Variants in SERPINE2 observed in about 807,000 individuals in gnomAD.
The protein encoded by SERPINE2 is glia-derived nexin.
A neutral mutation model predicts 36.3 loss-of-function variants in SERPINE2; 14 were observed. That is an observed-to-expected ratio of 0.39 (90% confidence interval 0.25 to 0.60). SERPINE2 has a LOEUF of 0.60. SERPINE2 is among the 20% of genes least tolerant of loss of function. The pLI, the probability that SERPINE2 is intolerant of heterozygous loss-of-function variation, is 0.57. For synonymous variants in SERPINE2, 192 were observed against 191.8 expected (o/e 1.00, Z -0.01); for missense variants, 418 against 499.6 (o/e 0.84, Z 1.56).
At chr2:224,035,434 G>C (rs1384994332) in intron 1 of SERPINE2, among the ~76,000 whole-genome samples, 1 of 150,214 alleles carries the variant, frequency 6.7e-6, no homozygotes, top group Non-Finnish European at 1.5e-5. Flanking sequence ...CCAGGCTCGA[G>C]AACAGTGGCG....
At chr2:223,978,808 C>T (rs1690112886) in intron 7 of SERPINE2, 2 of 152,260 alleles carry the variant, frequency 1.3e-5, no homozygotes, top group Non-Finnish European at 1.5e-5. Context: ...TGTGTCTCCC[C>T]CCAAATTCAT....
intron 3 of SERPINE2, among the ~76,000 whole-genome samples, chr2:223,992,999 C>T (rs11676684): frequency 0.17 from 25,515 of 151,912 alleles, 2,438 homozygotes; most frequent in Non-Finnish European, 0.21. Flanking sequence ...GTGGCATGCA[C>T]CTGTAATCCC....
intron 2 of SERPINE2, 87 bp downstream of exon 2, chr2:224,001,555 G>A: frequency 6.8e-7 from 1 of 1,472,276 alleles, no homozygotes; most frequent in Non-Finnish European, 9.1e-7. Flanking sequence ...TGCTTCTTGG[G>A]GTTGTCAGCA....
intron 1 of SERPINE2, among the ~76,000 whole-genome samples, chr2:224,032,726 G>T (rs1159207125): frequency 6.6e-6 from 1 of 152,232 alleles, no homozygotes; most frequent in Non-Finnish European, 1.5e-5. Context: ...TGTGGCAAAA[G>T]CCTGGGTGTT....
chr2:224,000,945 G>C (rs550897455), intron 2 of SERPINE2, among the ~76,000 whole-genome samples: 19 of 152,188 alleles, frequency 1.2e-4, no homozygotes, highest in African/African-American at 1.7e-4. Context: ...TGGACATTCG[G>C]GTTGGTTCCA....
At chr2:223,980,946 T>C (rs1690208125) in intron 6 of SERPINE2, 1 of 152,464 alleles carries the variant, frequency 6.6e-6, no homozygotes, top group South Asian at 2.1e-4. Context: ...AAGAGAAGAG[T>C]TTAGATTTTC....
At chr2:223,990,747 G>C (rs1690629483) in intron 4 of SERPINE2, among the ~76,000 whole-genome samples, 1 of 152,174 alleles carries the variant, frequency 6.6e-6, no homozygotes. Context: ...AGAGGCCAAG[G>C]CAGGTGGATC....
chr2:224,036,562 C>T (rs898233697), intron 1 of SERPINE2, among the ~76,000 whole-genome samples: 9 of 151,108 alleles, frequency 6.0e-5, no homozygotes, highest in Non-Finnish European at 1.0e-4. Flanking sequence ...CAGCAAACCA[C>T]CATGGCACGT....
At chr2:223,994,808 A>G (rs895361367) in intron 3 of SERPINE2, among the ~76,000 whole-genome samples, 3 of 152,190 alleles carry the variant, frequency 2.0e-5, no homozygotes, top group Admixed American at 2.0e-4. Flanking sequence ...CTTTCTATGT[A>G]TTATTCACAT....
chr2:223,991,794 T>C lies in SERPINE2; in HGVS notation c.685+9A>G. The C allele has an allele frequency of 6.2e-7, 1 of 1,613,322 alleles. No individual in the cohort carries two copies. The highest frequency in any genetic ancestry group is 8.5e-7 in the Non-Finnish European group (1 of 1,179,806). Reference sequence around the variant, plus strand: ...ATCCTAGAACAGGCTTCGCTGAGCATGAACTCACCACACCGGAACACGGAG... The same window carrying C: ...ATCCTAGAACAGGCTTCGCTGAGCACGAACTCACCACACCGGAACACGGAG... On this transcript the variant is annotated intron_variant, in intron 4 of 8. Transcript: ENST00000409304.
At chr2:224,034,957 T>G (rs1480982941) in intron 1 of SERPINE2, among the ~76,000 whole-genome samples, 1 of 152,196 alleles carries the variant, frequency 6.6e-6, no homozygotes, top group African/African-American at 2.4e-5. Flanking sequence ...AGAGCTCATC[T>G]TTCAATCTTG....
At chr2:224,013,367 C>G (rs78129586) in intron 1 of SERPINE2, among the ~76,000 whole-genome samples, 11 of 152,174 alleles carry the variant, frequency 7.2e-5, no homozygotes, top group Non-Finnish European at 1.6e-4. Context: ...AGGACAGGCC[C>G]TCCTTCAGGT....
At chr2:224,018,713 G>A (rs1341859923) in intron 1 of SERPINE2, among the ~76,000 whole-genome samples, 11 of 152,084 alleles carry the variant, frequency 7.2e-5, no homozygotes, top group Admixed American at 7.2e-4. Flanking sequence ...GTTCTCCCAG[G>A]TTCTATATCT....
At chr2:224,001,132 T>C (rs993590422) in intron 2 of SERPINE2, among the ~76,000 whole-genome samples, 1 of 152,174 alleles carries the variant, frequency 6.6e-6, no homozygotes, top group Non-Finnish European at 1.5e-5. Flanking sequence ...TCATTTTCCA[T>C]ACACTCCTGT....
intron 1 of SERPINE2, among the ~76,000 whole-genome samples, chr2:224,019,938 G>A (rs1333671128): frequency 6.6e-6 from 1 of 152,052 alleles, no homozygotes; most frequent in Non-Finnish European, 1.5e-5. Flanking sequence ...CCACCCAGAT[G>A]GACCAACCAA....
At chr2:223,992,287 G>C (rs75775072) in intron 3 of SERPINE2, among the ~76,000 whole-genome samples, 1 of 152,036 alleles carries the variant, frequency 6.6e-6, no homozygotes, top group South Asian at 2.1e-4. Context: ...TTCCCTGCAA[G>C]TCCAGGCTTT....
At chr2:223,982,615 G>A in intron 6 of SERPINE2, 66 bp downstream of exon 6, 3 of 969,904 alleles carry the variant, frequency 3.1e-6, no homozygotes, top group African/African-American at 3.2e-5. Flanking sequence ...CTTTTTCTCT[G>A]CACAAATCAG....
chr2:224,030,902 C>G (rs1692340926), intron 1 of SERPINE2: 8 of 934,132 alleles, frequency 8.6e-6, no homozygotes, highest in Non-Finnish European at 1.0e-5. Context: ...TTTTAGATTT[C>G]AGTCCCAGAA....
intron 1 of SERPINE2, chr2:224,010,258 T>G (rs1332243064): frequency 1.3e-5 from 9 of 709,002 alleles, no homozygotes; most frequent in Non-Finnish European, 1.4e-5. Context: ...TTTTCTTAAA[T>G]TTTTGTCTGC....
Sources: gnomAD v4.1 joint callset for allele counts (sites outside exome capture counted in the v4.1 genomes callset) on GRCh38, gnomAD v4.1.1 for gene constraint, MANE v1.5 for transcripts, NCBI Gene and HGNC (gene_info 2026-07-23, HGNC 2026-07-21) for gene names.